The following TSHR variants were observed in gnomAD, a reference collection of about 807,000 sequenced individuals.
TSHR encodes thyrotropin receptor.
A neutral mutation model predicts 64.1 loss-of-function variants in TSHR; 51 were observed. That is an observed-to-expected ratio of 0.80 (90% confidence interval 0.64 to 1.01). The LOEUF (loss-of-function observed/expected upper bound fraction) is 1.01. Ranked by LOEUF, TSHR falls within the 50% of genes least tolerant of loss-of-function variation. The pLI is 0.00. For synonymous variants in TSHR, 361 were observed against 361.9 expected, an observed-to-expected ratio of 1.00 and a Z score of 0.03; for missense variants, 877 against 942.8, an observed-to-expected ratio of 0.93 and a Z score of 0.91.
intron 1 of TSHR, among the ~76,000 whole-genome samples, chr14:80,991,292 A>T (rs563189272): frequency 6.6e-6 from 1 of 152,212 alleles, no homozygotes; most frequent in Non-Finnish European, 1.5e-5. Flanking sequence ...TCTTTCTTTC[A>T]GACAAGTGGT....
intron 8 of TSHR, chr14:81,108,684 C>A: frequency 6.2e-7 from 1 of 1,613,896 alleles, no homozygotes; most frequent in Non-Finnish European, 8.5e-7. Flanking sequence ...CATCATGATG[C>A]CTGCTAAGGC....
intron 2 of TSHR, among the ~76,000 whole-genome samples, chr14:81,066,807 C>T (rs2139904559): frequency 6.6e-6 from 1 of 152,218 alleles, no homozygotes; most frequent in South Asian, 2.1e-4. Context: ...ATTGCATGTC[C>T]AGGGTTGAGA....
At chr14:81,093,045 T>C (rs1461414496) in intron 6 of TSHR, among the ~76,000 whole-genome samples, 1 of 152,220 alleles carries the variant, frequency 6.6e-6, no homozygotes, top group East Asian at 1.9e-4. Context: ...TGTATCCAAG[T>C]GTCCCCATTC....
At chr14:81,139,133 C>T (rs957404182) in intron 8 of TSHR, among the ~76,000 whole-genome samples, 3 of 152,042 alleles carry the variant, frequency 2.0e-5, no homozygotes, top group East Asian at 1.9e-4. Context: ...ACTGGAGTGG[C>T]GGGGGATGGG....
At chr14:81,129,296 T>A (rs1016102606) in intron 8 of TSHR, among the ~76,000 whole-genome samples, 3 of 152,200 alleles carry the variant, frequency 2.0e-5, no homozygotes, top group African/African-American at 7.2e-5. Context: ...AACATTTCAC[T>A]GTCTCTCACC....
At chr14:80,989,304 A>C (rs961447779) in intron 1 of TSHR, among the ~76,000 whole-genome samples, 1 of 151,610 alleles carries the variant, frequency 6.6e-6, no homozygotes, top group Admixed American at 6.6e-5. Context: ...CAGCAACTAT[A>C]TTTTCTTTAT....
At chr14:81,136,561 C>G (rs980552281) in intron 8 of TSHR, among the ~76,000 whole-genome samples, 4 of 152,180 alleles carry the variant, frequency 2.6e-5, no homozygotes, top group Non-Finnish European at 5.9e-5. Flanking sequence ...GTTGGAGACG[C>G]CTGTGAGGCA....
At chr14:81,069,304 A>T (rs1050389997) in intron 3 of TSHR, among the ~76,000 whole-genome samples, 5 of 152,196 alleles carry the variant, frequency 3.3e-5, no homozygotes, top group Non-Finnish European at 7.3e-5. Flanking sequence ...TAAATGTATG[A>T]CTTAAAAATT....
At chr14:81,056,284 A>G (rs961819990) in intron 1 of TSHR, among the ~76,000 whole-genome samples, 25 of 152,140 alleles carry the variant, frequency 1.6e-4, no homozygotes, top group Non-Finnish European at 3.2e-4. Context: ...AGTCTCGGGT[A>G]TGTCTTTATC....
intron 4 of TSHR, among the ~76,000 whole-genome samples, 153 bp from the exon 5 acceptor site, chr14:81,090,916 T>C (rs536720528): frequency 1.3e-5 from 2 of 152,304 alleles, no homozygotes; most frequent in Admixed American, 1.3e-4. Context: ...AACTTGCCCA[T>C]AGTTACTCAG....
intron 8 of TSHR, among the ~76,000 whole-genome samples, chr14:81,125,407 T>C (rs1356151903): frequency 1.3e-5 from 2 of 152,166 alleles, no homozygotes; most frequent in Non-Finnish European, 2.9e-5. Context: ...CAGGTAAAGA[T>C]GGTCCCTGTG....
At chr14:81,000,124 G>A (rs1392024398) in intron 1 of TSHR, among the ~76,000 whole-genome samples, 1 of 151,774 alleles carries the variant, frequency 6.6e-6, no homozygotes, top group Non-Finnish European at 1.5e-5. Flanking sequence ...TAGAGACAGG[G>A]TTTCACCATG....
intron 1 of TSHR, among the ~76,000 whole-genome samples, chr14:81,011,186 T>C (rs1889884898): frequency 6.6e-6 from 1 of 151,160 alleles, no homozygotes; most frequent in Non-Finnish European, 1.5e-5. Context: ...GAAACACTTT[T>C]CTTTTTCCTT....
intron 1 of TSHR, among the ~76,000 whole-genome samples, chr14:80,999,745 G>A (rs2139756031): frequency 6.6e-6 from 1 of 152,184 alleles, no homozygotes; most frequent in South Asian, 2.1e-4. Flanking sequence ...CTGCCATGCT[G>A]TTGAGTCAAA....
intron 1 of TSHR, chr14:80,994,572 A>T (rs1044792893): frequency 1.3e-5 from 2 of 152,164 alleles, no homozygotes; most frequent in Non-Finnish European, 1.5e-5. Context: ...TAGAAATAAG[A>T]CCACACACAT....
intron 1 of TSHR, among the ~76,000 whole-genome samples, chr14:80,962,066 A>G (rs1488347215): frequency 6.6e-6 from 1 of 152,184 alleles, no homozygotes; most frequent in African/African-American, 2.4e-5. Flanking sequence ...TTTCCTAAAT[A>G]TGCTTTGGGA....
chr14:81,031,073 G>A (rs1300576432), intron 1 of TSHR, among the ~76,000 whole-genome samples: 1 of 152,096 alleles, frequency 6.6e-6, no homozygotes, highest in Non-Finnish European at 1.5e-5. Context: ...AGGAAATCTC[G>A]AGGGTTTCCT....
intron 1 of TSHR, among the ~76,000 whole-genome samples, chr14:81,048,380 C>G (rs1211573134): frequency 6.6e-6 from 1 of 152,154 alleles, no homozygotes; most frequent in Non-Finnish European, 1.5e-5. Flanking sequence ...ACACATTCTT[C>G]CTATATCTAC....
intron 8 of TSHR, among the ~76,000 whole-genome samples, chr14:81,114,430 G>A (rs1890383513): frequency 6.6e-6 from 1 of 152,198 alleles, no homozygotes; most frequent in Non-Finnish European, 1.5e-5. Context: ...ACGGCAACTG[G>A]AAAATCGGGT....
Sources: allele counts gnomAD v4.1 joint callset (sites outside exome capture counted in the v4.1 genomes callset), GRCh38; gene constraint gnomAD v4.1.1; transcripts MANE v1.5; gene names NCBI Gene and HGNC (gene_info 2026-07-23, HGNC 2026-07-21).